The following NALCN variants were observed in gnomAD, a reference collection of about 807,000 sequenced individuals.
The protein encoded by NALCN is sodium leak channel NALCN.
A neutral mutation model predicts 225.3 loss-of-function variants in NALCN; 111 were observed. The ratio of observed to expected loss-of-function variants is 0.49; its 90% confidence interval spans 0.42 to 0.58. The LOEUF is 0.58. Among genes scored for constraint, NALCN ranks in the 20% least tolerant of loss-of-function variants. The pLI is 0.00. For synonymous variants in NALCN, 764 were observed against 769.0 expected (o/e 0.99, Z 0.11); for missense variants, 1,378 against 2,202.4 (o/e 0.63, Z 7.49).
At chr13:101,358,685 C>T (rs1177829871) in intron 6 of NALCN, among the ~76,000 whole-genome samples, 2 of 152,098 alleles carry the variant, frequency 1.3e-5, no homozygotes, top group Admixed American at 6.5e-5. Flanking sequence ...CACAGCAATC[C>T]CATTACTGGG....
intron 15 of NALCN, among the ~76,000 whole-genome samples, chr13:101,174,783 T>TA (rs1458528537): frequency 2.6e-5 from 4 of 152,116 alleles, no homozygotes; most frequent in South Asian, 2.1e-4. Context: ...TAGCACTAGC[T>TA]AAAAAAAATT....
intron 13 of NALCN, among the ~76,000 whole-genome samples, chr13:101,197,066 T>A (rs55815608): frequency 0.041 from 6,270 of 152,162 alleles, 421 homozygotes; most frequent in African/African-American, 0.14. Context: ...ATAAAAATGG[T>A]GAGATCTAGT....
At chr13:101,377,179 A>C in intron 4 of NALCN, 123 bp from the exon 5 acceptor site, 2 of 1,213,768 alleles carry the variant, frequency 1.6e-6, no homozygotes, top group Non-Finnish European at 2.3e-6. Flanking sequence ...GCCATACATT[A>C]TTTTCCACCA....
At chr13:101,211,281 G>A (rs1269549054) in intron 13 of NALCN, among the ~76,000 whole-genome samples, 1 of 152,088 alleles carries the variant, frequency 6.6e-6, no homozygotes, top group Non-Finnish European at 1.5e-5. Context: ...AAGATGATTG[G>A]TGAAAAACTA....
chr13:101,161,181 C>G (rs2038166243), intron 15 of NALCN, among the ~76,000 whole-genome samples: 1 of 152,150 alleles, frequency 6.6e-6, no homozygotes, highest in African/African-American at 2.4e-5. Context: ...TAGAACAGCA[C>G]CTGAATAAAT....
At chr13:101,318,126 C>G (rs1175482224) in intron 7 of NALCN, among the ~76,000 whole-genome samples, 1 of 152,210 alleles carries the variant, frequency 6.6e-6, no homozygotes, top group Non-Finnish European at 1.5e-5. Context: ...CCGGAAACCT[C>G]TGTAGCCAGT....
chr13:101,066,233 G>A (rs1566775780), intron 39 of NALCN, among the ~76,000 whole-genome samples: 1 of 151,560 alleles, frequency 6.6e-6, no homozygotes, highest in East Asian at 1.9e-4. Context: ...GGCTGAGGCT[G>A]GGGAATCACT....
intron 6 of NALCN, among the ~76,000 whole-genome samples, chr13:101,364,766 T>C (rs1256129421): frequency 1.3e-5 from 2 of 152,178 alleles, no homozygotes; most frequent in Non-Finnish European, 2.9e-5. Flanking sequence ...AGAAAAATGT[T>C]TCAGGTGATG....
At chr13:101,257,663 A>G (rs1211846541) in intron 11 of NALCN, among the ~76,000 whole-genome samples, 1 of 152,136 alleles carries the variant, frequency 6.6e-6, no homozygotes, top group African/African-American at 2.4e-5. Flanking sequence ...GTGTATGTAT[A>G]CCTCACTCAC....
At position 101,070,927 on chromosome 13, in the gene NALCN, G is replaced by A. The variant is rs117546734; in HGVS notation, c.4198-2100C>T. Among the ~76,000 whole-genome samples, 1,343 of 152,252 alleles carry A rather than the reference G, an allele frequency of 8.8e-3. 11 individuals are homozygous for A. Among genetic ancestry groups the A allele is most frequent in the Middle Eastern group, 0.017 (5 of 294 alleles). ...GCCTCAGGAGATTTACAATCACGGC[G>A]GAAGGGGAAGCAAATATGTTCTTCT... On this transcript the variant is annotated intron_variant, in intron 37 of 43. Transcript: ENST00000251127.
chr13:101,273,987 AGG>A (rs2042891884), intron 10 of NALCN, among the ~76,000 whole-genome samples: 2 of 152,084 alleles, frequency 1.3e-5, no homozygotes, highest in Admixed American at 6.6e-5. Context: ...TTTACATTAC[AGG>A]ACACCATTTC....
rs2035424949 is a variant in NALCN, at chr13:101,111,326, CA to C, written c.2193-101del. The stretch of plus-strand genomic sequence containing the variant: ...ACTTTTATTATTTTAAAGGCAACAC[CA>C]ATGAAAACACAAAATACAGCAAATA... On this transcript the variant is annotated intron_variant, in intron 18 of 43. Transcript: ENST00000251127. The C allele has an allele frequency of 6.3e-6, 6 of 948,008 alleles. No individual in the cohort carries two copies. In the Admixed American group the frequency reaches 7.4e-5, roughly 12 times the overall value. 58.7% of individuals were successfully genotyped at this position (948,008 alleles called of 1,614,324 possible).
At chr13:101,085,754 T>C (rs961854096) in intron 30 of NALCN, among the ~76,000 whole-genome samples, 5 of 152,176 alleles carry the variant, frequency 3.3e-5, no homozygotes, top group Admixed American at 2.0e-4. Context: ...AAATAAATGC[T>C]GACATGCTTT....
At chr13:101,411,403 C>T (rs1431540719) in intron 1 of NALCN, among the ~76,000 whole-genome samples, 2 of 148,124 alleles carry the variant, frequency 1.4e-5, no homozygotes, top group African/African-American at 2.5e-5. Flanking sequence ...GAGTGTAATG[C>T]GTGATCTCGG....
chr13:101,296,189 C>T (rs1253812758), intron 7 of NALCN, among the ~76,000 whole-genome samples: 1 of 152,168 alleles, frequency 6.6e-6, no homozygotes, highest in Non-Finnish European at 1.5e-5. Flanking sequence ...GTTTGTTTCC[C>T]TCAGTAGGTG....
chr13:101,160,103 C>CCT (rs2038097908), intron 15 of NALCN, among the ~76,000 whole-genome samples: 1 of 151,966 alleles, frequency 6.6e-6, no homozygotes, highest in Non-Finnish European at 1.5e-5. Context: ...TACAGGTACA[C>CCT]ACCACCATGC....
At chr13:101,250,427 G>A (rs1003012286) in intron 11 of NALCN, among the ~76,000 whole-genome samples, 1 of 152,066 alleles carries the variant, frequency 6.6e-6, no homozygotes, top group Non-Finnish European at 1.5e-5. Flanking sequence ...AAGCTTTGAT[G>A]TATAGACACA....
At chr13:101,157,960 C>T (rs147050253) in intron 15 of NALCN, among the ~76,000 whole-genome samples, 3,886 of 152,132 alleles carry the variant, frequency 0.026, 159 homozygotes, top group African/African-American at 0.088. Context: ...ACCACGTTGG[C>T]CAGGCTGGTC....
At chr13:101,142,943 T>A (rs747154125) in intron 17 of NALCN, 137 bp downstream of exon 17, 1 of 1,240,022 alleles carries the variant, frequency 8.1e-7, no homozygotes, top group Non-Finnish European at 1.2e-6. Context: ...TTTCATGATA[T>A]CTTTTACAAA....
Sources: gnomAD v4.1 joint callset for allele counts (sites outside exome capture counted in the v4.1 genomes callset) on GRCh38, gnomAD v4.1.1 for gene constraint, MANE v1.5 for transcripts, NCBI Gene and HGNC (gene_info 2026-07-23, HGNC 2026-07-21) for gene names.